The following ABCC10 variants were observed in gnomAD, a reference collection of about 807,000 sequenced individuals.
The protein encoded by ABCC10 is ATP binding cassette subfamily C member 10.
In ABCC10, 110 loss-of-function variants were observed where a neutral mutation model predicts 143.2. The ratio of observed to expected loss-of-function variants is 0.77; its 90% confidence interval spans 0.66 to 0.90. The LOEUF (loss-of-function observed/expected upper bound fraction) is 0.90. ABCC10 is among the 40% of genes least tolerant of loss of function. The pLI is 0.00. For missense variants in ABCC10, 1,700 were observed against 1,900.5 expected (o/e 0.89, Z 1.96); for synonymous variants, 805 against 846.7 (o/e 0.95, Z 0.85).
In ABCC10 at chr6:43,434,608, C is replaced by A. The variant is rs373590299; in HGVS notation, c.1381-13C>A. 258 of 1,609,752 alleles carry A rather than the reference C, an allele frequency of 1.6e-4. No individual in the cohort carries two copies. The highest frequency in any genetic ancestry group is 2.1e-4 in the Non-Finnish European group (251 of 1,177,112). ...CCTCCACTTCACGCCTCTCCCTTGT[C>A]TCCTTTCCCTAGCTTGTGACAGAGC... On this transcript the variant is annotated splice_polypyrimidine_tract_variant and intron_variant, in intron 3 of 21. Transcript: ENST00000372530.
intron 5 of ABCC10, 28 bp from the exon 6 acceptor site, chr6:43,436,110 G>A (rs146946761): frequency 1.9e-6 from 3 of 1,614,016 alleles, no homozygotes; most frequent in Non-Finnish European, 2.5e-6. Context: ...TAGATTAGGA[G>A]CCCAAATCAA....
rs1390806290 is a variant in ABCC10 at position 43,441,944 on chromosome 6, C to G, written c.2210C>G (p.Ala737Gly). The change falls in exon 9 of 22, where the codon GCT becomes GGT. Residue 737 changes from alanine (A) to glycine (G), a missense_variant. Transcript: ENST00000372530. ...SGGQRARIAL[A>G]RAVYQEKELY... is the part of the protein sequence containing the mutation. ...GGACAGCGTGCCCGGATTGCCCTTG[C>G]TCGTGCTGTCTACCAGGTCAGTTAA... 1.2e-6 allele frequency: 2 copies of G among 1,613,740 alleles called. No homozygotes were observed. Among genetic ancestry groups the G allele is most frequent in the African/African-American group, 2.7e-5 (2 of 74,910 alleles).
chr6:43,429,118 A>C (rs4714684), intron 2 of ABCC10, among the ~76,000 whole-genome samples: 63,746 of 151,998 alleles, frequency 0.42, 14,491 homozygotes, highest in East Asian at 0.63. Flanking sequence ...GAGAAGGGTT[A>C]GAGAGATCGA....
At chr6:43,450,544 G>C (rs768341811), downstream of ABCC10, 29 of 1,557,066 alleles carry the variant, frequency 1.9e-5, no homozygotes, top group Non-Finnish European at 2.5e-5. This position sits in a 1 kb window ranked among gnomAD's most constrained non-coding sequence, Gnocchi z 4.5. Context: ...CTCCATCACA[G>C]TGCTGTGGTC....
intron 8 of ABCC10, 32 bp from the exon 9 acceptor site, chr6:43,441,830 T>C (rs780593925): frequency 6.3e-7 from 1 of 1,577,248 alleles, no homozygotes; most frequent in East Asian, 2.2e-5. Context: ...TAATGGGAGC[T>C]CCCTGACCCA....
rs1780646662 is a variant in ABCC10 at position 43,427,584 on chromosome 6, T to A, written c.-185T>A. The A allele has an allele frequency of 3.2e-6, 1 of 315,016 alleles. No homozygotes were observed. Among genetic ancestry groups the A allele is most frequent in the African/African-American group, 2.3e-5 (1 of 44,444 alleles). 19.5% of individuals were successfully genotyped at this position (315,016 alleles called of 1,614,324 possible). Reference sequence around the variant, plus strand: ...ATAGCGCCGGCTAGGTCTTCCAACCTCTAGGTGGGGTGCCAGCCGGGGCGG... The same window carrying A: ...ATAGCGCCGGCTAGGTCTTCCAACCACTAGGTGGGGTGCCAGCCGGGGCGG... On this transcript the variant is annotated 5_prime_UTR_variant, in exon 1 of 22. Coordinates refer to ENST00000372530, the MANE Select transcript of ABCC10 (RefSeq NM_001198934.2).
At position 43,445,173 on chromosome 6, in the gene ABCC10, C is replaced by T; in HGVS notation, c.2889C>T (p.Asp963=). ...LPKAAPNGSS[D]IRFYLTVYAT... is the part of the protein sequence containing the mutation. ...AAGCTGCCCCCAATGGCTCCTCAGA[C>T]ATCCGTTTCTACCTCACCGTGTATG... Residue 963 remains aspartate, a synonymous_variant, in exon 14 of 22, where the codon GAC becomes GAT. Coordinates refer to ENST00000372530, the MANE Select transcript of ABCC10 (RefSeq NM_001198934.2). 1 of 1,614,116 alleles carries T rather than the reference C, an allele frequency of 6.2e-7. No individual in the cohort carries two copies. The highest frequency in any genetic ancestry group is 8.5e-7 in the Non-Finnish European group (1 of 1,179,976).
chr6:43,433,046 CG>C lies in ABCC10; in HGVS notation c.1072del (p.Ala358LeufsTer3), dbSNP rs765263114. 1 of 1,614,106 alleles carries C rather than the reference CG, an allele frequency of 6.2e-7. No individual in the cohort carries two copies. The highest frequency in any genetic ancestry group is 1.1e-5 in the South Asian group (1 of 91,076). On this transcript the variant is annotated frameshift_variant, in exon 3 of 22. Transcript: ENST00000372530. LOFTEE classifies it high-confidence loss of function. The stretch of plus-strand genomic sequence containing the variant: ...GGTATATAAGGTAACACTTCAGGCA[CG>C]GGGGGCTGTGCTGAACATCCTGTAC... Reference protein sequence around the residue: ...YEVYKVTLQARGAVLNILYCK... With the variant: ...YEVYKVTLQAXGAVLNILYCK...
Position 43,427,974 on chromosome 6 carries a change from C to T in ABCC10, c.-5C>T, listed in dbSNP as rs752616915. On this transcript the variant is annotated 5_prime_UTR_variant, in exon 2 of 22. Transcript: ENST00000372530. ...CCCTCAACTTTCCCTTCAGGTGAGGCGTCCATGGAACGACTTCTGGCCCAG... is the reference window on the plus strand; with the variant it reads ...CCCTCAACTTTCCCTTCAGGTGAGGTGTCCATGGAACGACTTCTGGCCCAG... 5.6e-6 allele frequency: 9 copies of T among 1,612,052 alleles called. No individual in the cohort carries two copies. The highest frequency in any genetic ancestry group is 7.6e-6 in the Non-Finnish European group (9 of 1,179,522).
rs764792801 is a variant in ABCC10, at chr6:43,444,297, A to G, written c.2633A>G (p.Lys878Arg). Residue 878 changes from lysine to arginine, a missense_variant, in exon 12 of 22, where the codon AAG becomes AGG. Transcript: ENST00000372530. ...TTGCACGTGTACCAAGCTTACTGGA[A>G]GGCCGTGGGCCAGGGCTTGGCCTTA... ...VALHVYQAYWKAVGQGLALAI... is the reference protein window; with the variant it reads ...VALHVYQAYWRAVGQGLALAI... 1.2e-5 allele frequency: 20 copies of G among 1,613,928 alleles called. No homozygotes were observed. Among genetic ancestry groups the G allele is most frequent in the Non-Finnish European group, 1.7e-6 (2 of 1,179,990 alleles).
chr6:43,440,437 A>G (rs1237221151), intron 8 of ABCC10, among the ~76,000 whole-genome samples: 1 of 152,170 alleles, frequency 6.6e-6, no homozygotes, highest in East Asian at 1.9e-4. Context: ...AGTGCCTACA[A>G]CAGTACCTAG....
rs765523669 is a variant in ABCC10, at chr6:43,447,389, C to T, written c.3686C>T (p.Pro1229Leu). The change falls in exon 17 of 22, where the codon CCC becomes CTC. Residue 1229 changes from proline (P) to leucine (L), a missense_variant. Pro to Leu is a moderately conservative substitution (Grantham distance 98). Transcript: ENST00000372530. ...TACACCTGTGACCTGCCCCAGGAAC[C>T]CCAGGGCCAGCCACTGCAGGTGGGC... ...EEYTCDLPQE[P>L]QGQPLQLGTG... 6.2e-6 allele frequency: 10 copies of T among 1,613,158 alleles called. No individual in the cohort carries two copies. The South Asian group carries it at 8.8e-5, about 14-fold the overall frequency.
Position 43,444,241 on chromosome 6 carries a change from G to C in ABCC10, c.2577G>C (p.Gln859His), listed in dbSNP as rs1344378782. ...AGAGCACATCTGGTCGCCTGCTGCA[G>C]GAAGAAAGCAAGAAGGAGGGCGCCG... is the stretch of plus-strand genomic sequence containing the variant. ...EEQSTSGRLL[Q>H]EESKKEGAVA... The change falls in exon 12 of 22, where the codon CAG (glutamine) becomes CAC (histidine). Residue 859 changes from glutamine (Q) to histidine (H), a missense_variant. By Grantham distance (24) the Gln-to-His change is conservative. Transcript: ENST00000372530. The C allele has an allele frequency of 1.2e-6, 2 of 1,614,034 alleles. No individual in the cohort carries two copies. The highest frequency in any genetic ancestry group is 2.7e-5 in the African/African-American group (2 of 74,944).
At chr6:43,446,778 C>T in intron 16 of ABCC10, 1 of 1,202,174 alleles carries the variant, frequency 8.3e-7, no homozygotes, top group Non-Finnish European at 1.0e-6. Context: ...AGGCCCACCC[C>T]CTGCCCTGCA....
chr6:43,433,376 G>A lies in ABCC10; in HGVS notation c.1380+16G>A. The A allele has an allele frequency of 6.3e-7, 1 of 1,588,672 alleles. No homozygotes were observed. The highest frequency in any genetic ancestry group is 8.6e-7 in the Non-Finnish European group (1 of 1,164,026). ...GCGGGTTAAGGTGAGCGGGTACTTG[G>A]GGTCCCTCAGCTATCTGGAGACCCC... On this transcript the variant is annotated intron_variant, in intron 3 of 21. Transcript: ENST00000372530.
Position 43,443,771 on chromosome 6 carries a change from G to A in ABCC10, c.2417-162G>A. ...GGTATCCAGAGCAGGGTGGGTTAGA[G>A]AGGGAGGCCTAAGAGTCCTGCTCGA... On this transcript the variant is annotated intron_variant, in intron 10 of 21. Transcript: ENST00000372530. The surrounding 1 kb of genome is among the most constrained non-coding windows in gnomAD (Gnocchi z 4.2). 2.9e-6 allele frequency: 2 copies of A among 692,046 alleles called. No homozygotes were observed. The highest frequency in any genetic ancestry group is 5.1e-6 in the Non-Finnish European group (2 of 393,508). 42.9% of individuals were successfully genotyped at this position (692,046 alleles called of 1,614,324 possible).
In ABCC10 at chr6:43,433,353, G is replaced by C; in HGVS notation, c.1373G>C (p.Arg458Pro). The C allele has an allele frequency of 6.2e-7, 1 of 1,607,362 alleles. No individual in the cohort carries two copies. The highest frequency in any genetic ancestry group is 8.5e-7 in the Non-Finnish European group (1 of 1,174,930). Residue 458 changes from arginine to proline, a missense_variant, in exon 3 of 22, where the codon CGG becomes CCG. Arg to Pro is a moderately radical substitution (Grantham distance 103, BLOSUM62 -2). Coordinates refer to ENST00000372530, the MANE Select transcript of ABCC10 (RefSeq NM_001198934.2). ...NQEMLQHKDA[R>P]VKLVTELLSG... ...GAAATGCTACAGCACAAGGATGCGC[G>C]GGTTAAGGTGAGCGGGTACTTGGGG...
At position 43,432,219 on chromosome 6, in the gene ABCC10, C is replaced by A; in HGVS notation, c.239C>A (p.Pro80Gln). The change falls in exon 3 of 22, where the codon CCG becomes CAG. Residue 80 changes from proline to glutamine, a missense_variant. Pro to Gln is a moderately conservative substitution (Grantham distance 76). Transcript: ENST00000372530. ...GCTTCCTTCCTGCTTTCCGTCTTCC[C>A]GCTGCTAGACCTTCTTCCAGTTGCT... is the stretch of plus-strand genomic sequence containing the variant. ...LAASFLLSVF[P>Q]LLDLLPVALP... 1.2e-6 allele frequency: 2 copies of A among 1,614,218 alleles called. No individual in the cohort carries two copies. Among genetic ancestry groups the A allele is most frequent in the Non-Finnish European group, 1.7e-6 (2 of 1,180,042 alleles).
At position 43,448,229 on chromosome 6, in the gene ABCC10, C is replaced by G. The variant is rs1448771712; in HGVS notation, c.3959+292C>G. On this transcript the variant is annotated intron_variant, in intron 18 of 21. Transcript: ENST00000372530. ...CACTCTTGTGCCCCAAGATACTGATCCCCTGAGTCCTAGGCTCAGCAGGCA... is the reference window on the plus strand; with the variant it reads ...CACTCTTGTGCCCCAAGATACTGATGCCCTGAGTCCTAGGCTCAGCAGGCA... The G allele has an allele frequency of 6.2e-5, 32 of 515,678 alleles. No individual in the cohort carries two copies. In the Admixed American group the frequency reaches 8.0e-4, roughly 13 times the overall value. 31.9% of individuals were successfully genotyped at this position (515,678 alleles called of 1,614,324 possible). A position where few individuals can be genotyped will look rare whatever the true frequency, so the allele number is the denominator to read the frequency against.
Sources: gnomAD v4.1 joint callset for allele counts (sites outside exome capture counted in the v4.1 genomes callset) on GRCh38, gnomAD v4.1.1 for gene constraint, Gnocchi (gnomAD v3.1) non-coding constraint, MANE v1.5 for transcripts, NCBI Gene and HGNC (gene_info 2026-07-23, HGNC 2026-07-21) for gene names.